Variants in PDCD10 observed in about 807,000 individuals in gnomAD.
The protein encoded by PDCD10 is programmed cell death 10.
Under a neutral mutation model 29.2 loss-of-function variants are expected in PDCD10, and 4 were observed. That is an observed-to-expected ratio of 0.14 (90% CI 0.07 to 0.31). The LOEUF (loss-of-function observed/expected upper bound fraction) is 0.31, where lower values mean the gene tolerates loss of function less well. Ranked by LOEUF, PDCD10 falls within the 10% of genes least tolerant of loss-of-function variation. The pLI is 1.00. For missense variants in PDCD10, 183 were observed against 257.9 expected, an observed-to-expected ratio of 0.71 and a Z score of 1.99; for synonymous variants, 70 against 82.2, an observed-to-expected ratio of 0.85 and a Z score of 0.80.
chr3:167,718,784 G>A (rs1723274008), intron 3 of PDCD10, among the ~76,000 whole-genome samples: 1 of 151,392 alleles, frequency 6.6e-6, no homozygotes, highest in South Asian at 2.1e-4. Flanking sequence ...GATAATGGAA[G>A]CCAAACACTA....
chr3:167,688,813 T>C (rs1719921995), intron 6 of PDCD10, among the ~76,000 whole-genome samples: 1 of 152,192 alleles, frequency 6.6e-6, no homozygotes, highest in Admixed American at 6.5e-5. Flanking sequence ...ATTTCAGTTA[T>C]TTCCTATCTA....
At chr3:167,687,071 A>T (rs561356368) in intron 8 of PDCD10, 163 bp downstream of exon 8, 2 of 553,986 alleles carry the variant, frequency 3.6e-6, no homozygotes, top group South Asian at 4.7e-5. Flanking sequence ...TTATGGCTAG[A>T]TTAGCAACCA....
chr3:167,731,730 T>C (rs1443685504), intron 2 of PDCD10, among the ~76,000 whole-genome samples: 2 of 152,192 alleles, frequency 1.3e-5, no homozygotes, highest in Non-Finnish European at 2.9e-5. Context: ...ACAGTATTTG[T>C]CAAATAAATA....
chr3:167,700,698 G>GA (rs1203383730), intron 4 of PDCD10, among the ~76,000 whole-genome samples: 1 of 152,120 alleles, frequency 6.6e-6, no homozygotes, highest in Non-Finnish European at 1.5e-5. Context: ...AAAGCAAAAG[G>GA]AAAGTCTAAA....
At position 167,683,843 on chromosome 3, in the gene PDCD10, A is replaced by ATATATATC. The variant is rs1719296025; in HGVS notation, c.*464_*465insGATATATA. On this transcript the variant is annotated 3_prime_UTR_variant, in exon 9 of 9. Transcript: ENST00000392750. ...CAAGTTGTCTTGGTCTTCTGTTCAT[A>ATATATATC]TATATATATATATATATATATATAC... is the stretch of plus-strand genomic sequence containing the variant. 2.4e-5 allele frequency: 1 copy of ATATATATC among 41,292 alleles called. No individual in the cohort carries two copies. The allele number at this position is 41,292 out of a possible 1,614,324, so 2.6% of individuals were successfully genotyped here. A position where few individuals can be genotyped will look rare whatever the true frequency, so the allele number is the denominator to read the frequency against.
chr3:167,719,661 A>G (rs1417308157), intron 3 of PDCD10, among the ~76,000 whole-genome samples: 1 of 152,026 alleles, frequency 6.6e-6, no homozygotes, highest in Non-Finnish European at 1.5e-5. Flanking sequence ...CAACTCTTCA[A>G]TTAACTCTAT....
At chr3:167,721,005 A>G (rs1723505378) in intron 2 of PDCD10, among the ~76,000 whole-genome samples, 1 of 152,150 alleles carries the variant, frequency 6.6e-6, no homozygotes, top group Admixed American at 6.6e-5. Flanking sequence ...GAATTCAACA[A>G]TAAAAGAAAT....
chr3:167,716,543 T>C (rs1723037662), intron 3 of PDCD10, among the ~76,000 whole-genome samples: 1 of 151,804 alleles, frequency 6.6e-6, no homozygotes. Flanking sequence ...ACACCTACTA[T>C]GTGCCCACAA....
chr3:167,699,112 A>T (rs1721105961), intron 4 of PDCD10, among the ~76,000 whole-genome samples: 1 of 152,184 alleles, frequency 6.6e-6, no homozygotes, highest in African/African-American at 2.4e-5. Flanking sequence ...TATTACTGGG[A>T]TGTGTGTGCC....
At chr3:167,701,977 A>C (rs1559958359) in intron 4 of PDCD10, among the ~76,000 whole-genome samples, 2 of 152,218 alleles carry the variant, frequency 1.3e-5, no homozygotes, top group Non-Finnish European at 2.9e-5. Flanking sequence ...ATGAGGAAGA[A>C]GACAAAGGAG....
chr3:167,693,121 G>A (rs1161645828), intron 6 of PDCD10, among the ~76,000 whole-genome samples: 2 of 152,128 alleles, frequency 1.3e-5, no homozygotes, highest in Non-Finnish European at 2.9e-5. Flanking sequence ...CTCTTTATGT[G>A]ACTCAAAAGA....
At chr3:167,702,472 G>A (rs1721545049) in intron 4 of PDCD10, among the ~76,000 whole-genome samples, 1 of 152,148 alleles carries the variant, frequency 6.6e-6, no homozygotes, top group African/African-American at 2.4e-5. Flanking sequence ...CTACCAGTAA[G>A]ATGTTCTGGT....
intron 4 of PDCD10, among the ~76,000 whole-genome samples, chr3:167,700,009 TA>T (rs1721221189): frequency 6.6e-6 from 1 of 152,156 alleles, no homozygotes; most frequent in African/African-American, 2.4e-5. Flanking sequence ...TACAAATTAT[TA>T]AAAAGTTAAA....
At chr3:167,690,612 A>C (rs1400158815) in intron 6 of PDCD10, among the ~76,000 whole-genome samples, 1 of 152,212 alleles carries the variant, frequency 6.6e-6, no homozygotes, top group East Asian at 1.9e-4. Context: ...TGCATAGCTC[A>C]AATGTACTCA....
chr3:167,685,147 C>T (rs868579950), intron 8 of PDCD10, among the ~76,000 whole-genome samples: 4 of 151,936 alleles, frequency 2.6e-5, no homozygotes, highest in South Asian at 4.2e-4. Context: ...CCTGGTGGCT[C>T]GCACCTGTAA....
chr3:167,713,465 A>G (rs890071101), intron 3 of PDCD10, among the ~76,000 whole-genome samples: 1 of 151,924 alleles, frequency 6.6e-6, no homozygotes, highest in African/African-American at 2.4e-5. Context: ...TTAAGTGCCT[A>G]CATCAAAAGA....
Position 167,704,835 on chromosome 3 carries a change from A to G in PDCD10, c.150+7T>C. ...TTAATAATCATAGTAAATTATTTGC[A>G]CCTCACCTTGATGAAAGCGGCTCTC... On this transcript the variant is annotated splice_region_variant and intron_variant, in intron 4 of 8. Transcript: ENST00000392750. The G allele has an allele frequency of 6.4e-7, 1 of 1,569,968 alleles. No individual in the cohort carries two copies. Among genetic ancestry groups the G allele is most frequent in the Non-Finnish European group, 8.8e-7 (1 of 1,140,002 alleles).
intron 6 of PDCD10, among the ~76,000 whole-genome samples, chr3:167,691,656 C>T (rs1295553874): frequency 1.3e-5 from 2 of 152,202 alleles, no homozygotes; most frequent in African/African-American, 4.8e-5. Flanking sequence ...CCAGTTTCAA[C>T]CACAATACTG....
chr3:167,725,764 T>C (rs1724065440), intron 2 of PDCD10, among the ~76,000 whole-genome samples: 1 of 2,392 alleles, frequency 4.2e-4, no homozygotes, highest in Non-Finnish European at 1.0e-3. Context: ...TTGTATCGTT[T>C]ATATATATAT....
Sources: gnomAD v4.1 joint callset for allele counts (sites outside exome capture counted in the v4.1 genomes callset) on GRCh38, gnomAD v4.1.1 for gene constraint, MANE v1.5 for transcripts, NCBI Gene and HGNC (gene_info 2026-07-23, HGNC 2026-07-21) for gene names.